CPS1: variants seen among roughly 807,000 people sequenced by gnomAD.
CPS1 encodes the protein carbamoyl-phosphate synthase 1.
CPS1 carries 109 observed loss-of-function variants against 174.6 expected under a neutral mutation model. The observed-to-expected ratio is 0.62, with a 90% CI of 0.53 to 0.73. The LOEUF is 0.73. Ranked by LOEUF, CPS1 falls within the 30% of genes least tolerant of loss-of-function variation. The probability of loss-of-function intolerance (pLI) is 0.00; values close to 1 mark genes in which losing one functional copy is unlikely to be tolerated. For synonymous variants in CPS1, 637 were observed against 632.0 expected (o/e 1.01, Z -0.12); for missense variants, 1,689 against 1,821.9 (o/e 0.93, Z 1.33).
At chr2:210,596,157 G>A (rs1292756987) in intron 13 of CPS1, among the ~76,000 whole-genome samples, 1 of 151,984 alleles carries the variant, frequency 6.6e-6, no homozygotes, top group East Asian at 1.9e-4. Flanking sequence ...ATACACAGGT[G>A]TGGAAGGACA....
At chr2:210,489,985 G>A (rs113586277) in intron 1 of CPS1, among the ~76,000 whole-genome samples, 4 of 93,904 alleles carry the variant, frequency 4.3e-5, no homozygotes, top group Middle Eastern at 4.5e-3. Flanking sequence ...GTGACAGAGC[G>A]AGACTCTGTC....
chr2:210,599,290 A>G (rs1698616502), intron 13 of CPS1, 82 bp from the exon 14 acceptor site: 2 of 1,296,336 alleles, frequency 1.5e-6, no homozygotes, highest in Non-Finnish European at 2.2e-6. Context: ...AAGCTTAGTT[A>G]CCCCATGTCT....
intron 1 of CPS1, among the ~76,000 whole-genome samples, chr2:210,567,430 T>C (rs1697338847): frequency 2.6e-5 from 4 of 152,072 alleles, no homozygotes; most frequent in Admixed American, 2.6e-4. Context: ...AAATGTAATA[T>C]TGTAAGCATG....
chr2:210,668,909 A>C (rs970014320), intron 34 of CPS1, among the ~76,000 whole-genome samples: 1 of 152,132 alleles, frequency 6.6e-6, no homozygotes, highest in East Asian at 1.9e-4. Context: ...AGTCCTTCAC[A>C]TTTCAATCAC....
At chr2:210,560,071 T>A (rs1697048260) in intron 1 of CPS1, among the ~76,000 whole-genome samples, 1 of 152,152 alleles carries the variant, frequency 6.6e-6, no homozygotes, top group African/African-American at 2.4e-5. Flanking sequence ...AATAATGATT[T>A]GTTCACCTTT....
chr2:210,593,076 C>A, intron 11 of CPS1, 120 bp downstream of exon 11: 2 of 891,272 alleles, frequency 2.2e-6, no homozygotes, highest in Non-Finnish European at 3.7e-6. Flanking sequence ...AAGAAGAGTG[C>A]TTTGGTAACA....
At chr2:210,507,499 A>C (rs1695320896) in intron 1 of CPS1, among the ~76,000 whole-genome samples, 1 of 152,032 alleles carries the variant, frequency 6.6e-6, no homozygotes, top group African/African-American at 2.4e-5. Flanking sequence ...CTAACATCAT[A>C]ATGACAGGAT....
At chr2:210,550,106 TA>T (rs1696688096) in intron 1 of CPS1, among the ~76,000 whole-genome samples, 1 of 152,044 alleles carries the variant, frequency 6.6e-6, no homozygotes, top group African/African-American at 2.4e-5. Context: ...ACTGAAAAAT[TA>T]ATAGCTTTAT....
rs1559074920 is a variant in CPS1, at chr2:210,556,867, C to G, written c.126+8C>G. 1 of 1,612,446 alleles carries G rather than the reference C, an allele frequency of 6.2e-7. No homozygotes were observed. On this transcript the variant is annotated splice_region_variant and intron_variant, in intron 1 of 37. Coordinates refer to ENST00000233072, the MANE Select transcript of CPS1 (RefSeq NM_001875.5). ...AGGCTCCTTTCTGTCAAGGTAATACCCATATTGATTGTTTCTGATAAAATA... is the reference window on the plus strand; with the variant it reads ...AGGCTCCTTTCTGTCAAGGTAATACGCATATTGATTGTTTCTGATAAAATA...
At chr2:210,628,463 A>G (rs1699758270) in intron 21 of CPS1, among the ~76,000 whole-genome samples, 1 of 152,212 alleles carries the variant, frequency 6.6e-6, no homozygotes, top group African/African-American at 2.4e-5. Flanking sequence ...TTCAAGAACT[A>G]GAAAAATGTA....
chr2:210,491,124 G>C (rs1243648292), intron 1 of CPS1, among the ~76,000 whole-genome samples: 1 of 152,098 alleles, frequency 6.6e-6, no homozygotes, highest in Non-Finnish European at 1.5e-5. Context: ...GGTTTGAATT[G>C]TGTATTGGCA....
intron 1 of CPS1, among the ~76,000 whole-genome samples, chr2:210,535,705 C>G (rs776237257): frequency 3.9e-5 from 6 of 152,042 alleles, no homozygotes; most frequent in Non-Finnish European, 7.4e-5. Context: ...ACAAGGACTC[C>G]TGGGGAAGAA....
chr2:210,583,331 G>A (rs1697991948), intron 6 of CPS1, among the ~76,000 whole-genome samples: 1 of 152,090 alleles, frequency 6.6e-6, no homozygotes, highest in African/African-American at 2.4e-5. Context: ...TGAGTTTCTT[G>A]AGCTACAGTC....
intron 20 of CPS1, among the ~76,000 whole-genome samples, 161 bp from the exon 21 acceptor site, chr2:210,616,262 T>A (rs1040748000): frequency 6.6e-6 from 1 of 152,154 alleles, no homozygotes; most frequent in East Asian, 1.9e-4. Context: ...TTATGTTTAT[T>A]GGAAGGAATG....
At chr2:210,634,639 C>T (rs1699983700) in intron 21 of CPS1, among the ~76,000 whole-genome samples, 1 of 152,130 alleles carries the variant, frequency 6.6e-6, no homozygotes, top group Non-Finnish European at 1.5e-5. Context: ...CACACTTCTC[C>T]CACAGCACCT....
At chr2:210,560,886 T>C (rs534247344) in intron 1 of CPS1, among the ~76,000 whole-genome samples, 1 of 152,250 alleles carries the variant, frequency 6.6e-6, no homozygotes, top group Non-Finnish European at 1.5e-5. Context: ...TATTGGACTT[T>C]TACTACATAT....
intron 17 of CPS1, among the ~76,000 whole-genome samples, chr2:210,605,780 A>G (rs1403544067): frequency 6.6e-6 from 1 of 152,050 alleles, no homozygotes; most frequent in African/African-American, 2.4e-5. Flanking sequence ...AAGTTGATAC[A>G]AAGACACTGG....
intron 21 of CPS1, among the ~76,000 whole-genome samples, 157 bp from the exon 22 acceptor site, chr2:210,637,545 G>C (rs937160721): frequency 2.6e-5 from 4 of 152,182 alleles, no homozygotes; most frequent in Non-Finnish European, 5.9e-5. Context: ...AGAAGATTGA[G>C]TGGGTTAGTT....
In CPS1 at chr2:210,506,419, C is replaced by T. The variant is rs754393552; in HGVS notation, c.3+28653C>T. Reference sequence around the variant, plus strand: ...CATCAAAGACCAAAGGTAGATAAAACCACAAAGATGGGGAAAAAACAGAGC... The same window carrying T: ...CATCAAAGACCAAAGGTAGATAAAATCACAAAGATGGGGAAAAAACAGAGC... On this transcript the variant is annotated intron_variant, in intron 1 of 38. Coordinates refer to the CPS1 transcript ENST00000430249. Among the ~76,000 whole-genome samples the T allele has an allele frequency of 5.5e-4, 83 of 152,074 alleles. 1 individual carries two copies. The highest frequency in any genetic ancestry group is 1.0e-3 in the Non-Finnish European group (69 of 68,020).
Sources: gnomAD v4.1 joint callset for allele counts (sites outside exome capture counted in the v4.1 genomes callset) on GRCh38, gnomAD v4.1.1 for gene constraint, MANE v1.5 for transcripts, NCBI Gene and HGNC (gene_info 2026-07-23, HGNC 2026-07-21) for gene names.